ARHGAP39: variants seen among roughly 807,000 people sequenced by gnomAD.
ARHGAP39 encodes rho GTPase-activating protein 39.
A neutral mutation model predicts 106.9 loss-of-function variants in ARHGAP39; 44 were observed. The ratio of observed to expected loss-of-function variants is 0.41; its 90% CI spans 0.32 to 0.53. The LOEUF is 0.53. ARHGAP39 is among the 20% of genes least tolerant of loss of function. The pLI, the probability that ARHGAP39 is intolerant of heterozygous loss-of-function variation, is 0.21. For missense variants in ARHGAP39, 1,496 were observed against 1,577.3 expected (o/e 0.95, Z 0.87); for synonymous variants, 768 against 693.2 (o/e 1.11, Z -1.69).
intron 1 of ARHGAP39, among the ~76,000 whole-genome samples, chr8:144,660,712 G>A: frequency 6.6e-6 from 1 of 152,068 alleles, no homozygotes; most frequent in Non-Finnish European, 1.5e-5. Flanking sequence ...TGGGTGGGTG[G>A]CTCACCCCTA....
Position 144,548,212 on chromosome 8 carries a change from G to A in ARHGAP39, c.874C>T (p.Pro292Ser). 6.2e-7 allele frequency: 1 copy of A among 1,600,284 alleles called. No homozygotes were observed. The highest frequency in any genetic ancestry group is 8.5e-7 in the Non-Finnish European group (1 of 1,172,430). The stretch of plus-strand genomic sequence containing the variant: ...TGCGAGTCCCCGGAGGGCTTTCGGG[G>A]CTGGGCCAGCAGCGGGGAGCTGCTC... Reference protein sequence around the residue: ...PGSSSPLLAQPRKPSGDSQPS... With the variant: ...PGSSSPLLAQSRKPSGDSQPS... Residue 292 changes from proline (P) to serine (S), a missense_variant, in exon 5 of 12, where the codon CCC (proline) becomes TCC (serine). By Grantham distance (74) the Pro-to-Ser change is moderately conservative. Transcript: ENST00000377307. The surrounding 1 kb of genome is among the most constrained non-coding windows in gnomAD (Gnocchi z 7.4).
At chr8:144,632,401 G>A (rs59464125) in intron 1 of ARHGAP39, among the ~76,000 whole-genome samples, 66,609 of 152,056 alleles carry the variant, frequency 0.44, 15,027 homozygotes, top group Non-Finnish European at 0.5. Context: ...GCCTGTGACC[G>A]ATCAACCTCA....
chr8:144,543,573 C>T (rs1462303990), intron 6 of ARHGAP39, among the ~76,000 whole-genome samples: 1 of 152,248 alleles, frequency 6.6e-6, no homozygotes, highest in East Asian at 1.9e-4. Context: ...CCAACCCAGA[C>T]GGTGCTGTTG....
chr8:144,534,925 G>C (rs541574903), intron 7 of ARHGAP39, among the ~76,000 whole-genome samples: 1 of 152,226 alleles, frequency 6.6e-6, no homozygotes, highest in African/African-American at 2.4e-5. Context: ...AGGTGCTAGA[G>C]GGGAGAGGAT....
At position 144,591,299 on chromosome 8, in the gene ARHGAP39, A is replaced by G. The variant is rs548429425; in HGVS notation, c.81-10022T>C. 2.6e-5 allele frequency among the ~76,000 whole-genome samples: 4 copies of G among 152,234 alleles called. 1 individual carries two copies. In the South Asian group the frequency reaches 6.2e-4, roughly 24 times the overall value. ...GCGCGTGTGAGGAGCACCTGCTGGG[A>G]CATTGAAAAGGACAACGGCAGATGC... On this transcript the variant is annotated intron_variant, in intron 2 of 11. Transcript: ENST00000377307. This position sits in a 1 kb window ranked among gnomAD's most constrained non-coding sequence, Gnocchi z 5.3.
At chr8:144,650,783 C>A (rs1388564266) in intron 1 of ARHGAP39, among the ~76,000 whole-genome samples, 1 of 152,116 alleles carries the variant, frequency 6.6e-6, no homozygotes, top group African/African-American at 2.4e-5. Flanking sequence ...CTGTGACAAA[C>A]CCACAGCTAC....
intron 2 of ARHGAP39, among the ~76,000 whole-genome samples, chr8:144,603,907 C>T (rs1013247583): frequency 4.6e-5 from 7 of 152,034 alleles, no homozygotes; most frequent in African/African-American, 1.7e-4. Context: ...CAGGATCCAG[C>T]GAGACGCTTA....
At chr8:144,570,352 C>T (rs995140920) in intron 3 of ARHGAP39, among the ~76,000 whole-genome samples, 39 of 152,298 alleles carry the variant, frequency 2.6e-4, no homozygotes, top group African/African-American at 5.8e-4. Context: ...AAACAAAAGA[C>T]GGGTGTTTGG....
chr8:144,693,905 G>A, the ARHGAP39 span, among the ~76,000 whole-genome samples: 1 of 152,198 alleles, frequency 6.6e-6, no homozygotes, highest in Non-Finnish European at 1.5e-5. Flanking sequence ...GTGCAGTGGG[G>A]ACAAGTCAGG....
chr8:144,667,890 G>A (rs753522546), intron 1 of ARHGAP39, among the ~76,000 whole-genome samples: 6 of 152,194 alleles, frequency 3.9e-5, no homozygotes, highest in African/African-American at 9.7e-5. Context: ...ATGAAAATGG[G>A]CAACATTTAT....
At chr8:144,580,013 C>A (rs1818910685) in intron 3 of ARHGAP39, among the ~76,000 whole-genome samples, 1 of 152,030 alleles carries the variant, frequency 6.6e-6, no homozygotes, top group African/African-American at 2.4e-5. Flanking sequence ...TGCTGGCCTG[C>A]CGCCTGCCTC....
At chr8:144,620,837 G>A (rs531164375) in intron 1 of ARHGAP39, among the ~76,000 whole-genome samples, 65 of 152,374 alleles carry the variant, frequency 4.3e-4, no homozygotes, top group African/African-American at 1.2e-3. Flanking sequence ...ACAGAAGAGG[G>A]GCCGTGAGGA....
chr8:144,610,845 C>T (rs536248422), intron 1 of ARHGAP39, among the ~76,000 whole-genome samples: 5 of 152,060 alleles, frequency 3.3e-5, no homozygotes, highest in Non-Finnish European at 7.3e-5. Context: ...GAGATGGAGT[C>T]TCACTCTGTC....
At chr8:144,633,082 G>A (rs199834529) in intron 1 of ARHGAP39, among the ~76,000 whole-genome samples, 6 of 152,218 alleles carry the variant, frequency 3.9e-5, no homozygotes, top group East Asian at 1.9e-4. Flanking sequence ...GGTGGAGGCT[G>A]CAGTGAGCTG....
rs774074056 is a variant in ARHGAP39, at chr8:144,547,949, G to T, written c.1137C>A (p.Pro379=). The change falls in exon 5 of 12, where the codon CCC becomes CCA. Residue 379 remains proline, a synonymous_variant. Coordinates refer to ENST00000377307, the MANE Select transcript of ARHGAP39 (RefSeq NM_025251.3). The surrounding 1 kb of genome is among the most constrained non-coding windows in gnomAD (Gnocchi z 5.2). The part of the protein sequence containing the change: ...QQLVLTKQKC[P]ERFLSLEYSP... ...TGTACTCCAGGCTCAGGAAGCGCTC[G>T]GGACACTTCTGCTTGGTGAGCACCA... 4.8e-5 allele frequency: 76 copies of T among 1,599,224 alleles called. 1 individual carries two copies. Among genetic ancestry groups the T allele is most frequent in the Middle Eastern group, 3.3e-4 (2 of 6,066 alleles).
At chr8:144,698,908 A>C in the ARHGAP39 span, 1 of 455,702 alleles carries the variant, frequency 2.2e-6, no homozygotes, top group Non-Finnish European at 4.4e-6. Flanking sequence ...GGGGGGTCCA[A>C]GATGTGAATA....
At chr8:144,602,582 ATGTGTG>A (rs567520729) in intron 2 of ARHGAP39, among the ~76,000 whole-genome samples, 1 of 106,600 alleles carries the variant, frequency 9.4e-6, no homozygotes, top group African/African-American at 3.8e-5. Flanking sequence ...ACCTGTGTGC[ATGTGTG>A]TGGAGGTGTG....
intron 2 of ARHGAP39, among the ~76,000 whole-genome samples, chr8:144,601,654 G>A (rs929226078): frequency 1.0e-4 from 15 of 145,696 alleles, no homozygotes; most frequent in African/African-American, 3.6e-4. Context: ...GTACCTGTGT[G>A]TGCATGGATG....
At chr8:144,580,033 C>T (rs963375203) in intron 3 of ARHGAP39, among the ~76,000 whole-genome samples, 1 of 152,108 alleles carries the variant, frequency 6.6e-6, no homozygotes, top group Non-Finnish European at 1.5e-5. Flanking sequence ...CAGCCCTTCC[C>T]CACTGTCCTG....
Sources: gnomAD v4.1 joint callset for allele counts (sites outside exome capture counted in the v4.1 genomes callset) on GRCh38, gnomAD v4.1.1 for gene constraint, Gnocchi (gnomAD v3.1) non-coding constraint, MANE v1.5 for transcripts, NCBI Gene and HGNC (gene_info 2026-07-23, HGNC 2026-07-21) for gene names.